HPSE2: variants seen among roughly 807,000 people sequenced by gnomAD.
HPSE2 encodes heparanase 2 (inactive), also known as inactive heparanase-2.
Under a neutral mutation model 60.5 loss-of-function variants are expected in HPSE2, and 38 were observed. The ratio of observed to expected loss-of-function variants is 0.63; its 90% CI spans 0.48 to 0.82. The LOEUF is 0.82. Among genes scored for constraint, HPSE2 ranks in the 40% least tolerant of loss-of-function variants. The pLI, the probability that HPSE2 is intolerant of heterozygous loss-of-function variation, is 0.00. For synonymous variants in HPSE2, 295 were observed against 293.2 expected, an observed-to-expected ratio of 1.01 and a Z score of -0.06; for missense variants, 713 against 740.4, an observed-to-expected ratio of 0.96 and a Z score of 0.43.
intron 3 of HPSE2, among the ~76,000 whole-genome samples, chr10:98,872,630 CT>C (rs1384327889): frequency 6.6e-6 from 1 of 152,076 alleles, no homozygotes. Context: ...AATTTGCCCC[CT>C]ATCACTCAGA....
the HPSE2 span, among the ~76,000 whole-genome samples, chr10:99,282,535 C>T: frequency 6.6e-5 from 10 of 152,244 alleles, no homozygotes; most frequent in South Asian, 2.1e-4. Flanking sequence ...AACAAATGTA[C>T]GGAATCCTCT....
At chr10:99,259,308 C>CAAAA in the HPSE2 span, among the ~76,000 whole-genome samples, 1 of 134,226 alleles carries the variant, frequency 7.5e-6, no homozygotes. Flanking sequence ...CCCCCCCCAC[C>CAAAA]AAAAAAAAAA....
At chr10:98,649,633 C>A (rs1247270370) in intron 6 of HPSE2, among the ~76,000 whole-genome samples, 2 of 152,102 alleles carry the variant, frequency 1.3e-5, no homozygotes, top group Non-Finnish European at 2.9e-5. Flanking sequence ...AAAACAATTA[C>A]CACAAAACCA....
At chr10:99,270,535 T>C in the HPSE2 span, among the ~76,000 whole-genome samples, 2 of 152,162 alleles carry the variant, frequency 1.3e-5, no homozygotes, top group Non-Finnish European at 2.9e-5. Context: ...ACCAGACAGA[T>C]GCACAGCTGA....
At chr10:99,247,591 C>T in the HPSE2 span, among the ~76,000 whole-genome samples, 6 of 152,198 alleles carry the variant, frequency 3.9e-5, no homozygotes, top group Admixed American at 2.6e-4. Context: ...TTAAAAGACA[C>T]AGAGTGGTGA....
chr10:98,734,245 T>C (rs1410899051), intron 4 of HPSE2, among the ~76,000 whole-genome samples: 1 of 152,244 alleles, frequency 6.6e-6, no homozygotes, highest in African/African-American at 2.4e-5. Flanking sequence ...ATTTATCAAG[T>C]CATCAATTGA....
intron 3 of HPSE2, among the ~76,000 whole-genome samples, chr10:98,799,142 T>C (rs1436504215): frequency 2.0e-5 from 3 of 152,154 alleles, no homozygotes; most frequent in Admixed American, 2.0e-4. Context: ...GAGTCATACT[T>C]ATATCAGACA....
chr10:98,973,837 TA>T (rs1956019012), intron 3 of HPSE2, among the ~76,000 whole-genome samples: 1 of 150,000 alleles, frequency 6.7e-6, no homozygotes, highest in African/African-American at 2.5e-5. Flanking sequence ...ATATTGCCTA[TA>T]ATGAGTAAAA....
chr10:99,213,425 T>C (rs769451693), intron 2 of HPSE2, among the ~76,000 whole-genome samples: 1 of 152,112 alleles, frequency 6.6e-6, no homozygotes, highest in Non-Finnish European at 1.5e-5. Flanking sequence ...CTGTCCAAGA[T>C]CATAATGTCC....
At chr10:98,724,717 G>A (rs1266167881) in intron 4 of HPSE2, among the ~76,000 whole-genome samples, 2 of 152,150 alleles carry the variant, frequency 1.3e-5, no homozygotes, top group African/African-American at 2.4e-5. Context: ...TTACCATTGT[G>A]TAATGGCCTT....
intron 5 of HPSE2, among the ~76,000 whole-genome samples, chr10:98,720,343 G>A (rs1209984248): frequency 6.6e-6 from 1 of 151,888 alleles, no homozygotes; most frequent in Non-Finnish European, 1.5e-5. Flanking sequence ...CCAAATTTGG[G>A]GGATAAGAGG....
At chr10:98,759,688 A>T (rs1949962160) in intron 3 of HPSE2, among the ~76,000 whole-genome samples, 1 of 152,016 alleles carries the variant, frequency 6.6e-6, no homozygotes, top group African/African-American at 2.4e-5. Flanking sequence ...TCTTTTTATT[A>T]GCTTAGCTTT....
intron 3 of HPSE2, among the ~76,000 whole-genome samples, chr10:98,750,129 T>C (rs930970718): frequency 4.0e-4 from 60 of 151,776 alleles, no homozygotes; most frequent in African/African-American, 1.2e-3. Flanking sequence ...TGTCATTTGA[T>C]CAGAGACCCA....
chr10:99,266,007 T>C, the HPSE2 span, among the ~76,000 whole-genome samples: 8 of 152,350 alleles, frequency 5.3e-5, no homozygotes, highest in African/African-American at 1.9e-4. Context: ...AAGCCATTTC[T>C]GACTTTGTCT....
At chr10:98,944,208 C>T (rs1955111491) in intron 3 of HPSE2, among the ~76,000 whole-genome samples, 1 of 151,892 alleles carries the variant, frequency 6.6e-6, no homozygotes, top group Non-Finnish European at 1.5e-5. Context: ...TCCATAAGTG[C>T]CCAGATGGAA....
At chr10:98,564,191 G>T (rs1944272229) in intron 9 of HPSE2, among the ~76,000 whole-genome samples, 1 of 152,146 alleles carries the variant, frequency 6.6e-6, no homozygotes, top group South Asian at 2.1e-4. Flanking sequence ...TTGCTTAAAT[G>T]AAAGTGTTAC....
intron 6 of HPSE2, among the ~76,000 whole-genome samples, chr10:98,679,502 T>G (rs695189): frequency 6.6e-6 from 1 of 151,892 alleles, no homozygotes; most frequent in Non-Finnish European, 1.5e-5. Flanking sequence ...TTGGAGTATA[T>G]GTATATATGT....
chr10:99,307,194 C>T, the HPSE2 span, among the ~76,000 whole-genome samples: 3 of 152,182 alleles, frequency 2.0e-5, no homozygotes, highest in Admixed American at 2.0e-4. Context: ...AACAGACCTA[C>T]ATTGGAAGTT....
chr10:98,602,184 G>T (rs1945447150), intron 9 of HPSE2, among the ~76,000 whole-genome samples: 1 of 152,108 alleles, frequency 6.6e-6, no homozygotes, highest in African/African-American at 2.4e-5. Context: ...ACAGTGATAG[G>T]ATTGAAACAA....
Sources: gnomAD v4.1 joint callset for allele counts (sites outside exome capture counted in the v4.1 genomes callset) on GRCh38, gnomAD v4.1.1 for gene constraint, MANE v1.5 for transcripts, NCBI Gene and HGNC (gene_info 2026-07-23, HGNC 2026-07-21) for gene names.